Variants in FAM81B observed in about 807,000 individuals in gnomAD.
The protein encoded by FAM81B is family with sequence similarity 81 member B.
A neutral mutation model predicts 58.7 loss-of-function variants in FAM81B; 60 were observed. The ratio of observed to expected loss-of-function variants is 1.02; its 90% CI spans 0.83 to 1.27. FAM81B has a LOEUF of 1.27. Ranked by LOEUF, FAM81B falls within the 50% of genes most tolerant of loss-of-function variation. The probability of loss-of-function intolerance (pLI) is 0.00; values close to 1 mark genes in which losing one functional copy is unlikely to be tolerated. For missense variants in FAM81B, 491 were observed against 522.0 expected (o/e 0.94, Z 0.58); for synonymous variants, 189 against 179.6 (o/e 1.05, Z -0.42).
chr5:95,393,148 T>A (rs1489991198), intron 2 of FAM81B, among the ~76,000 whole-genome samples: 2 of 152,192 alleles, frequency 1.3e-5, no homozygotes, highest in South Asian at 2.1e-4. Flanking sequence ...ATTATGTATG[T>A]TTTATGATGA....
chr5:95,410,470 C>T (rs898409071), intron 3 of FAM81B, among the ~76,000 whole-genome samples: 5 of 152,226 alleles, frequency 3.3e-5, no homozygotes, highest in African/African-American at 1.2e-4. Flanking sequence ...CTAAAATCTG[C>T]TGTCCCGAGG....
chr5:95,436,670 T>G, intron 6 of FAM81B, 130 bp from the exon 7 acceptor site: 1 of 693,446 alleles, frequency 1.4e-6, no homozygotes. Flanking sequence ...TAGGTTCAAG[T>G]CTGTTTCCCA....
Position 95,428,586 on chromosome 5 carries a change from T to A in FAM81B, c.657-17T>A, listed in dbSNP as rs1463754669. 1 of 1,613,490 alleles carries A rather than the reference T, an allele frequency of 6.2e-7. No homozygotes were observed. The highest frequency in any genetic ancestry group is 8.5e-7 in the Non-Finnish European group (1 of 1,179,518). On this transcript the variant is annotated splice_polypyrimidine_tract_variant and intron_variant, in intron 5 of 9. Transcript: ENST00000283357. Reference sequence around the variant, plus strand: ...TATAAAGGTATTGATCCACACCAATTTCCATCTTGCCATTAGATGTGATTC... The same window carrying A: ...TATAAAGGTATTGATCCACACCAATATCCATCTTGCCATTAGATGTGATTC...
intron 4 of FAM81B, among the ~76,000 whole-genome samples, chr5:95,417,023 G>A (rs1314715567): frequency 2.6e-5 from 4 of 152,126 alleles, no homozygotes; most frequent in Admixed American, 6.5e-5. Flanking sequence ...CAGCCTGGGC[G>A]ACGGAGACCC....
chr5:95,427,139 A>G lies in FAM81B; in HGVS notation c.657-1464A>G, dbSNP rs959813018. The stretch of plus-strand genomic sequence containing the variant: ...GACACCAGAAACCACATTTTTAACC[A>G]GTAGCCTCCACTGCACAGACCCTGC... On this transcript the variant is annotated intron_variant, in intron 5 of 9. Transcript: ENST00000283357. 6.6e-5 allele frequency among the ~76,000 whole-genome samples: 10 copies of G among 152,202 alleles called. 1 individual carries two copies. The highest frequency in any genetic ancestry group is 5.2e-4 in the Admixed American group (8 of 15,282).
At chr5:95,392,940 C>A in intron 2 of FAM81B, 43 bp downstream of exon 2, 1 of 1,494,348 alleles carries the variant, frequency 6.7e-7, no homozygotes, top group Non-Finnish European at 9.1e-7. Flanking sequence ...GAATACTTTG[C>A]TCAGCTTCTT....
At chr5:95,437,445 C>T (rs6883612) in intron 7 of FAM81B, among the ~76,000 whole-genome samples, 24,456 of 152,114 alleles carry the variant, frequency 0.16, 3,091 homozygotes, top group African/African-American at 0.35. Flanking sequence ...CCTGGGTTCA[C>T]GCCATTCTCC....
At chr5:95,443,463 T>G (rs1287111742) in intron 7 of FAM81B, among the ~76,000 whole-genome samples, 1 of 152,210 alleles carries the variant, frequency 6.6e-6, no homozygotes, top group Admixed American at 6.5e-5. Flanking sequence ...TCTCATCACC[T>G]ATCTGTATAC....
chr5:95,408,112 G>GAGAGAGA (rs58919939), intron 3 of FAM81B, among the ~76,000 whole-genome samples: 3 of 148,796 alleles, frequency 2.0e-5, no homozygotes, highest in Admixed American at 6.7e-5. Context: ...GAGAGAGAGA[G>GAGAGAGA]GAGGGAAGGA....
chr5:95,416,503 T>A (rs1762542655), intron 4 of FAM81B, among the ~76,000 whole-genome samples: 1 of 152,204 alleles, frequency 6.6e-6, no homozygotes, highest in African/African-American at 2.4e-5. Context: ...TCCCCTCAAC[T>A]TACAAAAGCA....
At chr5:95,418,888 A>C (rs1762606663) in intron 4 of FAM81B, among the ~76,000 whole-genome samples, 1 of 152,124 alleles carries the variant, frequency 6.6e-6, no homozygotes, top group South Asian at 2.1e-4. Flanking sequence ...TTATTTTCTG[A>C]GTAATTAGAG....
At chr5:95,448,143 T>TA in intron 8 of FAM81B, 126 bp from the exon 9 acceptor site, 1 of 850,390 alleles carries the variant, frequency 1.2e-6, no homozygotes, top group East Asian at 2.7e-5. Flanking sequence ...CAGTTTTAGA[T>TA]ACAAAGGAAC....
Position 95,431,746 on chromosome 5 carries a change from G to A in FAM81B, c.786+3014G>A, listed in dbSNP as rs138536164. Among the ~76,000 whole-genome samples the A allele has an allele frequency of 5.3e-4, 81 of 151,954 alleles. No homozygotes were observed. The Middle Eastern group carries it at 0.031, about 58-fold the overall frequency. ...TTTAGTTTATTGTAACAGGGGCTTC[G>A]ATATGCCCTCTAATTCATTGTTAGT... On this transcript the variant is annotated intron_variant, in intron 6 of 9. Coordinates refer to ENST00000283357, the MANE Select transcript of FAM81B (RefSeq NM_152548.3).
chr5:95,419,857 T>G (rs532868661), intron 4 of FAM81B, among the ~76,000 whole-genome samples: 33 of 152,364 alleles, frequency 2.2e-4, no homozygotes, highest in African/African-American at 7.7e-4. Context: ...TTTTCCAAAC[T>G]TATGGCACCA....
chr5:95,447,886 A>C (rs893370785), intron 8 of FAM81B, among the ~76,000 whole-genome samples: 9 of 152,334 alleles, frequency 5.9e-5, no homozygotes, highest in Admixed American at 5.9e-4. Flanking sequence ...ATGTTACTAA[A>C]CGACTGGAAT....
At chr5:95,424,382 A>G (rs2045375202) in intron 5 of FAM81B, among the ~76,000 whole-genome samples, 1 of 152,022 alleles carries the variant, frequency 6.6e-6, no homozygotes, top group Non-Finnish European at 1.5e-5. Flanking sequence ...CCAGAAAAGT[A>G]TAGGAAGAGT....
chr5:95,423,330 C>G (rs762463410), intron 5 of FAM81B, among the ~76,000 whole-genome samples: 31 of 151,948 alleles, frequency 2.0e-4, no homozygotes, highest in Non-Finnish European at 3.1e-4. Context: ...CTTTTGATAC[C>G]CTGTCCTTTA....
chr5:95,424,227 A>T, intron 5 of FAM81B: 1 of 1,289,616 alleles, frequency 7.8e-7, no homozygotes, highest in Non-Finnish European at 1.0e-6. Flanking sequence ...AGTTATTGTT[A>T]GAATGCAGTC....
At chr5:95,424,984 A>T (rs979384655) in intron 5 of FAM81B, among the ~76,000 whole-genome samples, 3 of 152,152 alleles carry the variant, frequency 2.0e-5, no homozygotes, top group Non-Finnish European at 4.4e-5. Flanking sequence ...AGCTCTTAAA[A>T]TAGAACAAAT....
Sources: gnomAD v4.1 joint callset for allele counts (sites outside exome capture counted in the v4.1 genomes callset) on GRCh38, gnomAD v4.1.1 for gene constraint, MANE v1.5 for transcripts, NCBI Gene and HGNC (gene_info 2026-07-23, HGNC 2026-07-21) for gene names.